YTHDF3: variants seen among roughly 807,000 people sequenced by gnomAD.
YTHDF3 encodes YTH domain-containing family protein 3.
In YTHDF3, 9 loss-of-function variants were observed where a neutral mutation model predicts 52.5. The observed-to-expected ratio is 0.17, with a 90% CI of 0.10 to 0.30. The LOEUF (loss-of-function observed/expected upper bound fraction) is 0.30, where lower values mean the gene tolerates loss of function less well. Ranked by LOEUF, YTHDF3 falls within the 10% of genes least tolerant of loss-of-function variation. The pLI is 1.00. For missense variants in YTHDF3, 534 were observed against 715.0 expected (o/e 0.75, Z 2.89); for synonymous variants, 274 against 243.3 (o/e 1.13, Z -1.18).
Position 63,168,694 on chromosome 8 carries a change from G to C in YTHDF3, c.-184G>C, listed in dbSNP as rs981383273. 1.7e-6 allele frequency: 2 copies of C among 1,144,052 alleles called. No individual in the cohort carries two copies. Among genetic ancestry groups the C allele is most frequent in the South Asian group, 1.4e-5 (1 of 70,510 alleles). The allele number at this position is 1,144,052 out of a possible 1,614,324, so 70.9% of individuals were successfully genotyped here. A position where few individuals can be genotyped will look rare whatever the true frequency, so the allele number is the denominator to read the frequency against. The stretch of plus-strand genomic sequence containing the variant: ...AGAGGGGGAAGAGGAGCGTGCAAGC[G>C]GAAAAGACGGGCCTCTTCCTCCGAC... On this transcript the variant is annotated 5_prime_UTR_variant, in exon 1 of 5. Coordinates refer to ENST00000539294, the MANE Select transcript of YTHDF3 (RefSeq NM_152758.6).
rs1808541345 is a variant in YTHDF3, at chr8:63,186,830, C to G, written c.819C>G (p.Asn273Lys). The change falls in exon 4 of 5, where the codon AAC becomes AAG. Residue 273 changes from asparagine (N) to lysine (K), a missense_variant. By Grantham distance (94) the Asn-to-Lys change is moderately conservative (BLOSUM62 0). Around this residue, in one of 3 missense-constraint regions of YTHDF3, gnomAD observed 203 missense variants for 201.3 expected, o/e 1.01. Transcript: ENST00000539294. The stretch of plus-strand genomic sequence containing the variant: ...TACCACCACCTCCTATAAAACACAA[C>G]ATGAATATTGGAACTTGGGATGAAA... ...SAVPPPPIKH[N>K]MNIGTWDEKG... The G allele has an allele frequency of 1.2e-6, 2 of 1,613,984 alleles. No homozygotes were observed. Among genetic ancestry groups the G allele is most frequent in the East Asian group, 2.2e-5 (1 of 44,880 alleles).
intron 2 of YTHDF3, among the ~76,000 whole-genome samples, chr8:63,169,857 T>A (rs1563389580): frequency 2.0e-5 from 3 of 152,200 alleles, no homozygotes; most frequent in Non-Finnish European, 2.9e-5. Context: ...AATCACTGAT[T>A]CTATTGAAGT....
chr8:63,169,445 A>T (rs370787416), intron 2 of YTHDF3, 34 bp downstream of exon 2: 126 of 1,566,920 alleles, frequency 8.0e-5, no homozygotes, highest in Non-Finnish European at 1.0e-4. Flanking sequence ...TTATTGCTCA[A>T]TGTTGCCTTA....
rs971793071 is a variant in YTHDF3 at position 63,212,079 on chromosome 8, C to T, written c.*2373C>T. ...AGCCTGGGGTCTACAAGAGGAGACACATCATCAAATGTTTGAATGATCACA... is the reference window on the plus strand; with the variant it reads ...AGCCTGGGGTCTACAAGAGGAGACATATCATCAAATGTTTGAATGATCACA... On this transcript the variant is annotated 3_prime_UTR_variant, in exon 5 of 5. Transcript: ENST00000539294. The T allele has an allele frequency of 6.6e-6, 1 of 152,556 alleles. No homozygotes were observed. The highest frequency in any genetic ancestry group is 1.5e-5 in the Non-Finnish European group (1 of 68,006). The allele number at this position is 152,556 out of a possible 1,614,324, so 9.5% of individuals were successfully genotyped here.
At chr8:63,193,374 CAAAAAA>C (rs758787473) in intron 4 of YTHDF3, among the ~76,000 whole-genome samples, 4 of 54,118 alleles carry the variant, frequency 7.4e-5, no homozygotes, top group South Asian at 1.6e-3. Context: ...AGACTCCGTC[CAAAAAA>C]AAAAAAAAAA....
intron 2 of YTHDF3, chr8:63,173,770 C>T: frequency 1.4e-6 from 1 of 724,966 alleles, no homozygotes; most frequent in Non-Finnish European, 1.7e-6. Flanking sequence ...ATTTTGGTTT[C>T]TAGTGGCTAT....
chr8:63,179,631 C>A (rs1429772264), intron 3 of YTHDF3, among the ~76,000 whole-genome samples: 1 of 152,210 alleles, frequency 6.6e-6, no homozygotes, highest in Non-Finnish European at 1.5e-5. Context: ...TCTACACAGA[C>A]ACGGCAACCA....
chr8:63,171,016 T>A (rs1312173255), intron 2 of YTHDF3, among the ~76,000 whole-genome samples: 1 of 152,216 alleles, frequency 6.6e-6, no homozygotes, highest in African/African-American at 2.4e-5. Flanking sequence ...TTTTTGGTTA[T>A]TTCAAAAATT....
intron 4 of YTHDF3, among the ~76,000 whole-genome samples, chr8:63,191,003 A>C (rs1259633812): frequency 6.6e-5 from 10 of 152,214 alleles, no homozygotes; most frequent in Admixed American, 3.3e-4. Context: ...TATGTAAGCA[A>C]CCATTTAGCT....
At chr8:63,173,206 A>ATATATATATATATATATATC (rs1264719044) in intron 2 of YTHDF3, among the ~76,000 whole-genome samples, 2 of 145,428 alleles carry the variant, frequency 1.4e-5, no homozygotes, top group Admixed American at 6.8e-5. Context: ...TTATATTTAT[A>ATATATATATATATATATATC]TATATATACA....
intron 4 of YTHDF3, among the ~76,000 whole-genome samples, chr8:63,203,928 G>C (rs1418143677): frequency 6.6e-6 from 1 of 152,118 alleles, no homozygotes; most frequent in Non-Finnish European, 1.5e-5. Flanking sequence ...CTTATTACTA[G>C]TGATCTTAAC....
intron 2 of YTHDF3, among the ~76,000 whole-genome samples, chr8:63,175,043 A>G (rs1229788790): frequency 6.6e-6 from 1 of 152,166 alleles, no homozygotes; most frequent in East Asian, 1.9e-4. Context: ...CAATTTACTC[A>G]CTACAGTGTT....
intron 3 of YTHDF3, among the ~76,000 whole-genome samples, chr8:63,181,975 T>A (rs1220993531): frequency 6.6e-6 from 1 of 152,238 alleles, no homozygotes; most frequent in Non-Finnish European, 1.5e-5. Flanking sequence ...CATAGCATAA[T>A]ACAAGCATTA....
chr8:63,174,347 T>G (rs1032031348), intron 2 of YTHDF3, among the ~76,000 whole-genome samples: 1 of 152,252 alleles, frequency 6.6e-6, no homozygotes, highest in Non-Finnish European at 1.5e-5. Flanking sequence ...TAAAGTCATA[T>G]TAGTCCTATT....
Position 63,168,684 on chromosome 8 carries a change from G to A in YTHDF3, c.-194G>A, listed in dbSNP as rs956936966. 2 of 985,162 alleles carry A rather than the reference G, an allele frequency of 2.0e-6. No homozygotes were observed. Among genetic ancestry groups the A allele is most frequent in the African/African-American group, 1.6e-5 (1 of 61,738 alleles). The allele number at this position is 985,162 out of a possible 1,614,324, so 61.0% of individuals were successfully genotyped here. On this transcript the variant is annotated 5_prime_UTR_variant, in exon 1 of 5. Coordinates refer to ENST00000539294, the MANE Select transcript of YTHDF3 (RefSeq NM_152758.6). Reference sequence around the variant, plus strand: ...GCAGAGAGCGAGAGGGGGAAGAGGAGCGTGCAAGCGGAAAAGACGGGCCTC... The same window carrying A: ...GCAGAGAGCGAGAGGGGGAAGAGGAACGTGCAAGCGGAAAAGACGGGCCTC...
chr8:63,169,275 C>T (rs1190436239), intron 1 of YTHDF3, 112 bp from the exon 2 acceptor site: 3 of 1,422,878 alleles, frequency 2.1e-6, no homozygotes, highest in East Asian at 2.5e-5. Flanking sequence ...TGGGTTTTTA[C>T]TCCTACGCGG....
At chr8:63,188,701 A>ATATATATATATATATATTT (rs1355614739) in intron 4 of YTHDF3, 13 of 61,442 alleles carry the variant, frequency 2.1e-4, no homozygotes, top group Admixed American at 9.3e-4. Flanking sequence ...ATATATATAT[A>ATATATATATATATATATTT]TTTTTTTTTT....
intron 4 of YTHDF3, among the ~76,000 whole-genome samples, chr8:63,201,023 G>T (rs1199788731): frequency 2.0e-5 from 3 of 152,176 alleles, no homozygotes; most frequent in Non-Finnish European, 2.9e-5. Context: ...GAACATGCTA[G>T]ACACTTAAGG....
rs1278295183 is a variant in YTHDF3 at position 63,212,479 on chromosome 8, G to A, written c.*2773G>A. 1 of 152,600 alleles carries A rather than the reference G, an allele frequency of 6.6e-6. No homozygotes were observed. Among genetic ancestry groups the A allele is most frequent in the African/African-American group, 2.4e-5 (1 of 41,438 alleles). The allele number at this position is 152,600 out of a possible 1,614,324, so 9.5% of individuals were successfully genotyped here. The stretch of plus-strand genomic sequence containing the variant: ...CTTAAGTCATTTAATCATTTCAAGT[G>A]CATTCTGCATCCTTTAAAAATAAGT... On this transcript the variant is annotated 3_prime_UTR_variant, in exon 5 of 5. Transcript: ENST00000539294.
Sources: allele counts gnomAD v4.1 joint callset (sites outside exome capture counted in the v4.1 genomes callset), GRCh38; gene constraint gnomAD v4.1.1; regional missense constraint gnomAD v4.1.1; transcripts MANE v1.5; gene names NCBI Gene and HGNC (gene_info 2026-07-23, HGNC 2026-07-21).